The following TNFRSF25 variants were observed in gnomAD, a reference collection of about 807,000 sequenced individuals.
TNFRSF25 encodes tumor necrosis factor receptor superfamily member 25.
TNFRSF25 carries 28 observed loss-of-function variants against 49.4 expected under a neutral mutation model. The observed-to-expected ratio is 0.57, with a 90% CI of 0.42 to 0.78. TNFRSF25 has a LOEUF of 0.78. TNFRSF25 is among the 30% of genes least tolerant of loss of function. The pLI is 0.00. For missense variants in TNFRSF25, 531 were observed against 581.6 expected (o/e 0.91, Z 0.90); for synonymous variants, 240 against 234.2 (o/e 1.02, Z -0.23).
At chr1:6,464,211 T>C in intron 5 of TNFRSF25, 164 bp downstream of exon 5, 1 of 1,474,784 alleles carries the variant, frequency 6.8e-7, no homozygotes, top group Admixed American at 2.4e-5. Flanking sequence ...ATTGCTCTTT[T>C]GCCATCTAAG....
chr1:6,463,319 A>C, intron 5 of TNFRSF25, 192 bp from the exon 6 acceptor site: 1 of 622,116 alleles, frequency 1.6e-6, no homozygotes, highest in African/African-American at 1.8e-5. Flanking sequence ...TCTAGACTAC[A>C]TGAAGAGTCA....
intron 3 of TNFRSF25, 118 bp from the exon 4 acceptor site, chr1:6,464,837 G>C: frequency 7.6e-7 from 1 of 1,314,082 alleles, no homozygotes; most frequent in Non-Finnish European, 1.0e-6. Context: ...AGACAGACAG[G>C]TACAGGGCTA....
intron 1 of TNFRSF25, 114 bp downstream of exon 1, chr1:6,465,955 C>T: frequency 6.8e-7 from 1 of 1,465,342 alleles, no homozygotes; most frequent in Non-Finnish European, 9.1e-7. Context: ...GAAAGGGCGG[C>T]CAACCCAGCC....
intron 5 of TNFRSF25, chr1:6,463,341 AC>A: frequency 1.7e-6 from 1 of 603,980 alleles, no homozygotes. Flanking sequence ...TAGAATGTCA[AC>A]CCCAAAAGGA....
intron 1 of TNFRSF25, 133 bp from the exon 2 acceptor site, chr1:6,465,693 G>A: frequency 6.9e-7 from 1 of 1,453,056 alleles, no homozygotes; most frequent in South Asian, 1.5e-5. Flanking sequence ...GGCAGAAGGG[G>A]TGCCCATGGG....
chr1:6,463,186 A>G (rs539289192), intron 5 of TNFRSF25, 59 bp from the exon 6 acceptor site: 1 of 1,512,034 alleles, frequency 6.6e-7, no homozygotes, highest in Non-Finnish European at 9.0e-7. Flanking sequence ...GGGGCTCCCT[A>G]AGACTGCCCA....
At position 6,461,034 on chromosome 1, in the gene TNFRSF25, CT is replaced by C. The variant is rs1334739556; in HGVS notation, c.*399del. On this transcript the variant is annotated 3_prime_UTR_variant, in exon 10 of 10. Transcript: ENST00000356876. The surrounding 1 kb of genome is among the most constrained non-coding windows in gnomAD (Gnocchi z 6.3). ...GGCAGGCTTGGGAGCTAAGGCCACACTGGACTCCACCATGGGTGCCAGATCC... is the reference window on the plus strand; with the variant it reads ...GGCAGGCTTGGGAGCTAAGGCCACACGGACTCCACCATGGGTGCCAGATCC... The C allele has an allele frequency of 1.2e-5, 5 of 430,384 alleles. No homozygotes were observed. The highest frequency in any genetic ancestry group is 2.0e-5 in the African/African-American group (1 of 48,942). 26.7% of individuals were successfully genotyped at this position (430,384 alleles called of 1,614,324 possible).
chr1:6,465,451 C>G lies in TNFRSF25; in HGVS notation c.149G>C (p.Gly50Ala). 1 of 1,614,052 alleles carries G rather than the reference C, an allele frequency of 6.2e-7. No homozygotes were observed. The highest frequency in any genetic ancestry group is 8.5e-7 in the Non-Finnish European group (1 of 1,180,016). The change falls in exon 2 of 10, where the codon GGC becomes GCC. Residue 50 changes from glycine (G) to alanine (A), a missense_variant. Gly to Ala is a moderately conservative substitution (Grantham distance 60). Coordinates refer to ENST00000356876, the MANE Select transcript of TNFRSF25 (RefSeq NM_003790.3). Reference sequence around the variant, plus strand: ...CTGTGGCCACTTACCCGCTGGGCAGCCTCTGCAACAAAACAGACCAATCTT... The same window carrying G: ...CTGTGGCCACTTACCCGCTGGGCAGGCTCTGCAACAAAACAGACCAATCTT... ...HKKIGLFCCR[G>A]CPAGHYLKAP...
At chr1:6,465,773 C>T (rs1644342571) in intron 1 of TNFRSF25, 3 of 1,428,294 alleles carry the variant, frequency 2.1e-6, no homozygotes, top group East Asian at 5.1e-5. Context: ...ACCAGCCCCT[C>T]ACAAGTTTCC....
chr1:6,465,731 C>T (rs952974636), intron 1 of TNFRSF25, 171 bp from the exon 2 acceptor site: 6 of 1,433,372 alleles, frequency 4.2e-6, no homozygotes, highest in East Asian at 5.0e-5. Flanking sequence ...TCCTTCCCCC[C>T]GCGCACACAC....
intron 5 of TNFRSF25, 47 bp from the exon 6 acceptor site, chr1:6,463,174 G>A (rs1183373971): frequency 6.5e-7 from 1 of 1,541,038 alleles, no homozygotes; most frequent in Non-Finnish European, 8.8e-7. Context: ...TGCATGCCAG[G>A]AGGGGCTCCC....
chr1:6,466,020 C>T (rs991240013), intron 1 of TNFRSF25, 49 bp downstream of exon 1: 4 of 1,551,370 alleles, frequency 2.6e-6, no homozygotes, highest in Non-Finnish European at 2.6e-6. Flanking sequence ...CACCGAGGCT[C>T]TTGGGACAGG....
rs1224818065 is a variant in TNFRSF25 at position 6,465,358 on chromosome 1, G to T, written c.160+82C>A. ...CAGCCTACCCCTACCTCCCCTGCCA[G>T]CCTCCTCTTACCTCCCGGGCCTGCC... On this transcript the variant is annotated intron_variant, in intron 2 of 9. Coordinates refer to ENST00000356876, the MANE Select transcript of TNFRSF25 (RefSeq NM_003790.3). The T allele has an allele frequency of 7.9e-6, 11 of 1,396,638 alleles. No individual in the cohort carries two copies. The East Asian group carries it at 4.0e-4, about 50-fold the overall frequency. 86.5% of individuals were successfully genotyped at this position (1,396,638 alleles called of 1,614,324 possible).
chr1:6,463,968 A>T (rs1557727100), intron 5 of TNFRSF25: 1 of 200,682 alleles, frequency 5.0e-6, no homozygotes, highest in Non-Finnish European at 8.8e-6. Context: ...AATAGATTTA[A>T]TATTTATTTA....
chr1:6,463,344 C>A (rs980140472), intron 5 of TNFRSF25: 4 of 603,686 alleles, frequency 6.6e-6, no homozygotes, highest in South Asian at 2.0e-5. Context: ...AATGTCAACC[C>A]CAAAAGGACA....
In TNFRSF25 at chr1:6,462,045, G is replaced by T; in HGVS notation, c.874C>A (p.Leu292Ile). ...TPGYPETQEA[L>I]CPQVTWSWDQ... The stretch of plus-strand genomic sequence containing the variant: ...CAGGACCATGTCACCTGCGGGCAGA[G>T]CGCCTCCTGGGTCTCGGGGTAGCCA... Residue 292 changes from leucine (L) to isoleucine (I), a missense_variant, in exon 9 of 10, where the codon CTC becomes ATC. Transcript: ENST00000356876. The surrounding 1 kb of genome is among the most constrained non-coding windows in gnomAD (Gnocchi z 4.2). 1.2e-6 allele frequency: 2 copies of T among 1,613,570 alleles called. No individual in the cohort carries two copies. The highest frequency in any genetic ancestry group is 8.5e-7 in the Non-Finnish European group (1 of 1,179,950).
At chr1:6,464,967 G>A in intron 3 of TNFRSF25, 121 bp downstream of exon 3, 2 of 1,440,316 alleles carry the variant, frequency 1.4e-6, no homozygotes, top group Non-Finnish European at 1.9e-6. Context: ...GATCAGGGTG[G>A]AGGGTTCTGG....
chr1:6,465,461 A>G lies in TNFRSF25; in HGVS notation c.139T>C (p.Cys47Arg). Residue 47 changes from cysteine (C) to arginine (R), a missense_variant, in exon 2 of 10, where the codon TGT (cysteine) becomes CGT (arginine). Transcript: ENST00000356876. ...TTACCCGCTGGGCAGCCTCTGCAAC[A>G]AAACAGACCAATCTTCTTGTGGAAG... The part of the protein sequence containing the change: ...GDFHKKIGLF[C>R]CRGCPAGHYL... The G allele has an allele frequency of 1.2e-6, 2 of 1,614,006 alleles. No homozygotes were observed. The highest frequency in any genetic ancestry group is 1.7e-6 in the Non-Finnish European group (2 of 1,179,996).
Position 6,461,905 on chromosome 1 carries a change from G to T in TNFRSF25, c.925+89C>A. On this transcript the variant is annotated intron_variant, in intron 9 of 9. Coordinates refer to ENST00000356876, the MANE Select transcript of TNFRSF25 (RefSeq NM_003790.3). The surrounding 1 kb of genome is among the most constrained non-coding windows in gnomAD (Gnocchi z 6.3). Reference sequence around the variant, plus strand: ...CATAGGGCGGACTCCGTCAGTTAGGGGGCAGAAAGGGAACACGTTGTGAAA... The same window carrying T: ...CATAGGGCGGACTCCGTCAGTTAGGTGGCAGAAAGGGAACACGTTGTGAAA... 6.6e-7 allele frequency: 1 copy of T among 1,509,304 alleles called. No homozygotes were observed. Among genetic ancestry groups the T allele is most frequent in the East Asian group, 2.3e-5 (1 of 43,300 alleles). 93.5% of individuals were successfully genotyped at this position (1,509,304 alleles called of 1,614,324 possible).
Sources: allele counts gnomAD v4.1 joint callset, GRCh38; gene constraint gnomAD v4.1.1; non-coding constraint Gnocchi (gnomAD v3.1); transcripts MANE v1.5; gene names NCBI Gene and HGNC (gene_info 2026-07-23, HGNC 2026-07-21).